KATNBL1: variants seen among roughly 807,000 people sequenced by gnomAD.
The protein encoded by KATNBL1 is katanin regulatory subunit B1 like 1, also known as KATNB1-like protein 1.
In KATNBL1, 28 loss-of-function variants were observed where a neutral mutation model predicts 44.7. That is an observed-to-expected ratio of 0.63 (90% CI 0.46 to 0.86). KATNBL1 has a LOEUF of 0.86. KATNBL1 is among the 40% of genes least tolerant of loss of function. The pLI is 0.00. For synonymous variants in KATNBL1, 78 were observed against 114.9 expected (o/e 0.68, Z 2.06); for missense variants, 272 against 350.7 (o/e 0.78, Z 1.79).
chr15:34,168,862 C>A (rs147539020), intron 1 of KATNBL1, among the ~76,000 whole-genome samples: 22 of 152,204 alleles, frequency 1.4e-4, no homozygotes, highest in African/African-American at 5.3e-4. Context: ...TGAAAGAAGG[C>A]AGAAATAAAG....
At chr15:34,187,724 A>T (rs1286642095) in intron 1 of KATNBL1, among the ~76,000 whole-genome samples, 1 of 152,212 alleles carries the variant, frequency 6.6e-6, no homozygotes, top group Non-Finnish European at 1.5e-5. Flanking sequence ...GGAACCTATC[A>T]TAAGGCCATT....
intron 1 of KATNBL1, among the ~76,000 whole-genome samples, chr15:34,179,832 C>T (rs116865840): frequency 0.029 from 4,339 of 152,180 alleles, 90 homozygotes; most frequent in Non-Finnish European, 0.043. Flanking sequence ...ACAACAAACA[C>T]GAATTATTTT....
intron 1 of KATNBL1, chr15:34,209,647 C>G (rs1890379933): frequency 6.6e-6 from 1 of 152,316 alleles, no homozygotes. Flanking sequence ...CCAGGTGCAG[C>G]TGTCGACTCC....
chr15:34,205,446 AAAGT>A (rs1193235500), intron 1 of KATNBL1, among the ~76,000 whole-genome samples: 4 of 152,178 alleles, frequency 2.6e-5, no homozygotes, highest in Non-Finnish European at 5.9e-5. Flanking sequence ...TAGGTTTTTG[AAAGT>A]AAGAGTAAAA....
intron 1 of KATNBL1, among the ~76,000 whole-genome samples, chr15:34,180,994 GC>G (rs1889500827): frequency 6.6e-6 from 1 of 152,042 alleles, no homozygotes; most frequent in Non-Finnish European, 1.5e-5. Flanking sequence ...CAGAACTATA[GC>G]CCCATAACTT....
intron 5 of KATNBL1, among the ~76,000 whole-genome samples, chr15:34,147,921 T>C (rs1329687699): frequency 3.3e-5 from 5 of 152,134 alleles, no homozygotes; most frequent in Non-Finnish European, 7.3e-5. Flanking sequence ...GGCTGGAATG[T>C]AGTTGCATAA....
At chr15:34,168,921 T>C (rs1331451588) in intron 1 of KATNBL1, among the ~76,000 whole-genome samples, 1 of 152,182 alleles carries the variant, frequency 6.6e-6, no homozygotes, top group Non-Finnish European at 1.5e-5. Flanking sequence ...CCAGAATCTC[T>C]GGGACACATT....
intron 1 of KATNBL1, among the ~76,000 whole-genome samples, chr15:34,194,463 A>T (rs1182965034): frequency 6.6e-6 from 1 of 152,098 alleles, no homozygotes; most frequent in Non-Finnish European, 1.5e-5. Flanking sequence ...AAGAAAAAAA[A>T]ACTTTAAAAA....
intron 1 of KATNBL1, among the ~76,000 whole-genome samples, chr15:34,195,573 C>T (rs1890006985): frequency 6.6e-6 from 1 of 151,956 alleles, no homozygotes; most frequent in African/African-American, 2.4e-5. Flanking sequence ...ATCCTATAAT[C>T]CCAGATACTC....
At chr15:34,154,596 C>T (rs1291388630) in intron 3 of KATNBL1, 48 bp downstream of exon 3, 1 of 1,168,646 alleles carries the variant, frequency 8.6e-7, no homozygotes, top group Admixed American at 1.7e-5. Flanking sequence ...TCATCCTTAC[C>T]CAGCTTTCAT....
chr15:34,156,428 T>C lies in KATNBL1; in HGVS notation c.118-1744A>G, dbSNP rs1344287557. ...GTGGAAAGGGGACAATCTGGCCCTC[T>C]GGCCTGCCATGCGCACGAGCATAAC... On this transcript the variant is annotated intron_variant, in intron 2 of 9. Coordinates refer to ENST00000256544, the MANE Select transcript of KATNBL1 (RefSeq NM_024713.3). 2.0e-5 allele frequency among the ~76,000 whole-genome samples: 3 copies of C among 152,358 alleles called. No individual in the cohort carries two copies. In the East Asian group the frequency reaches 5.8e-4, roughly 29 times the overall value.
At chr15:34,198,453 T>C (rs1890082899) in intron 1 of KATNBL1, 1 of 152,224 alleles carries the variant, frequency 6.6e-6, no homozygotes, top group African/African-American at 2.4e-5. Flanking sequence ...AGTTAAACTA[T>C]GAAACAGTAG....
At chr15:34,177,445 G>A (rs1421231397) in intron 1 of KATNBL1, among the ~76,000 whole-genome samples, 1 of 151,992 alleles carries the variant, frequency 6.6e-6, no homozygotes, top group Non-Finnish European at 1.5e-5. Context: ...AGGAGTTTGA[G>A]ATGAGCCTGA....
intron 1 of KATNBL1, chr15:34,208,675 T>C (rs1028975149): frequency 6.6e-6 from 1 of 152,252 alleles, no homozygotes; most frequent in Non-Finnish European, 1.5e-5. Flanking sequence ...TATCTTAAAA[T>C]AGTCAATGGA....
chr15:34,204,943 C>T (rs1010696080), intron 1 of KATNBL1, among the ~76,000 whole-genome samples: 4 of 150,270 alleles, frequency 2.7e-5, no homozygotes, highest in Non-Finnish European at 4.4e-5. Context: ...CTATTCTTGA[C>T]GATTATTTAT....
chr15:34,142,286 T>C lies in KATNBL1; in HGVS notation c.*53A>G, dbSNP rs2339370. 5 of 1,493,966 alleles carry C rather than the reference T, an allele frequency of 3.3e-6. No individual in the cohort carries two copies. Among genetic ancestry groups the C allele is most frequent in the South Asian group, 2.7e-5 (2 of 73,960 alleles). The allele number at this position is 1,493,966 out of a possible 1,614,324, so 92.5% of individuals were successfully genotyped here. A position where few individuals can be genotyped will look rare whatever the true frequency, so the allele number is the denominator to read the frequency against. ...CGAGACTTTTTTTTTTTGTAAATTA[T>C]ACAGTTCAGGGATGTTTTGAAAAAC... On this transcript the variant is annotated 3_prime_UTR_variant, in exon 10 of 10. Transcript: ENST00000256544.
At chr15:34,193,005 C>G (rs907239577) in intron 1 of KATNBL1, among the ~76,000 whole-genome samples, 4 of 147,652 alleles carry the variant, frequency 2.7e-5, no homozygotes, top group African/African-American at 1.0e-4. Flanking sequence ...ATCATGAGGT[C>G]AGGAGATCGA....
intron 1 of KATNBL1, among the ~76,000 whole-genome samples, chr15:34,197,665 G>A (rs1041722907): frequency 1.5e-4 from 23 of 152,158 alleles, no homozygotes; most frequent in African/African-American, 5.5e-4. Flanking sequence ...TTTTCTATGA[G>A]ATTAAGATTG....
intron 1 of KATNBL1, among the ~76,000 whole-genome samples, chr15:34,165,552 G>C (rs1888939876): frequency 6.6e-6 from 1 of 152,050 alleles, no homozygotes; most frequent in South Asian, 2.1e-4. Context: ...ATCCCAGCAA[G>C]TTCGGAGGCT....
Sources: gnomAD v4.1 joint callset for allele counts (sites outside exome capture counted in the v4.1 genomes callset) on GRCh38, gnomAD v4.1.1 for gene constraint, MANE v1.5 for transcripts, NCBI Gene and HGNC (gene_info 2026-07-23, HGNC 2026-07-21) for gene names.